FHIP1A: variants seen among roughly 807,000 people sequenced by gnomAD.
The protein encoded by FHIP1A is FHF complex subunit HOOK-interacting protein 1A.
A neutral mutation model predicts 88.6 loss-of-function variants in FHIP1A; 61 were observed. The observed-to-expected ratio is 0.69, with a 90% CI of 0.56 to 0.85. The LOEUF is 0.85. Among genes scored for constraint, FHIP1A ranks in the 40% least tolerant of loss-of-function variants. FHIP1A has a pLI of 0.00. For missense variants in FHIP1A, 1,154 were observed against 1,273.5 expected, an observed-to-expected ratio of 0.91 and a Z score of 1.43; for synonymous variants, 478 against 496.0, an observed-to-expected ratio of 0.96 and a Z score of 0.48.
At chr4:151,454,595 G>C (rs1357395157) in intron 1 of FHIP1A, 106 bp from the exon 2 acceptor site, 1 of 152,038 alleles carries the variant, frequency 6.6e-6, no homozygotes, top group Non-Finnish European at 1.5e-5. Flanking sequence ...GAGCAAGGTT[G>C]AGGCAAATTA....
rs1304378784 is a variant in FHIP1A at position 151,665,149 on chromosome 4, G to A, written c.*2395G>A. Among the ~76,000 whole-genome samples, 2 of 151,956 alleles carry A rather than the reference G, an allele frequency of 1.3e-5. No individual in the cohort carries two copies. Among genetic ancestry groups the A allele is most frequent in the African/African-American group, 4.8e-5 (2 of 41,364 alleles). On this transcript the variant is annotated 3_prime_UTR_variant, in exon 14 of 14. Coordinates refer to ENST00000435205, the MANE Select transcript of FHIP1A (RefSeq NM_001109977.3). ...GCCACCACACCCAGCTAACTTTTTG[G>A]TATAGTTTGTAGAGATGGGGTTTCA...
In FHIP1A at chr4:151,639,703, C is replaced by T. The variant is rs778503266; in HGVS notation, c.1226+947C>T. Among the ~76,000 whole-genome samples the T allele has an allele frequency of 6.6e-5, 10 of 152,180 alleles. No individual in the cohort carries two copies. In the South Asian group the frequency reaches 1.5e-3, roughly 22 times the overall value. On this transcript the variant is annotated intron_variant, in intron 9 of 13. Transcript: ENST00000435205. The stretch of plus-strand genomic sequence containing the variant: ...TGTGGCCCCAAAGCTGAGAGAGGAG[C>T]GAAGGGCTAGGGCTGAGAGGAGCTC...
chr4:151,605,670 C>T (rs988050496), intron 7 of FHIP1A, among the ~76,000 whole-genome samples: 3 of 152,312 alleles, frequency 2.0e-5, no homozygotes, highest in East Asian at 1.9e-4. Flanking sequence ...TATAAGCCGC[C>T]GTGGAGCCCA....
At chr4:151,488,826 A>G (rs1730176915) in intron 3 of FHIP1A, among the ~76,000 whole-genome samples, 1 of 152,230 alleles carries the variant, frequency 6.6e-6, no homozygotes. Flanking sequence ...ATCATATGAA[A>G]GGACAAATGA....
At chr4:151,456,612 C>T (rs562373680) in intron 2 of FHIP1A, among the ~76,000 whole-genome samples, 2 of 152,206 alleles carry the variant, frequency 1.3e-5, no homozygotes, top group South Asian at 4.2e-4. Flanking sequence ...CATTTAAAAT[C>T]TCATAATGAA....
rs1445240690 is a variant in FHIP1A, at chr4:151,577,669, G to A, written c.325G>A (p.Glu109Lys). 6 of 1,551,688 alleles carry A rather than the reference G, an allele frequency of 3.9e-6. No homozygotes were observed. In the South Asian group the frequency reaches 5.9e-5, roughly 15 times the overall value. The change falls in exon 5 of 14, where the codon GAG (glutamate) becomes AAG (lysine). Residue 109 changes from glutamate (E) to lysine (K), a missense_variant. Transcript: ENST00000435205. The part of the protein sequence containing the change: ...EKLFLWSLRR[E>K]FTDETKIEQL... The stretch of plus-strand genomic sequence containing the variant: ...ACTTTTCCTTTGGAGCTTGAGAAGG[G>A]AGTTTACTGATGAGACTAAAATTGA...
intron 3 of FHIP1A, among the ~76,000 whole-genome samples, chr4:151,527,164 A>G (rs1376011258): frequency 6.6e-6 from 1 of 152,184 alleles, no homozygotes; most frequent in East Asian, 1.9e-4. Context: ...CTGGGAGGCC[A>G]AGGCAGGCTG....
At chr4:151,541,309 T>C (rs1038806697) in intron 3 of FHIP1A, among the ~76,000 whole-genome samples, 4 of 152,174 alleles carry the variant, frequency 2.6e-5, no homozygotes, top group African/African-American at 9.7e-5. Context: ...TAATAAAGCA[T>C]TAAGTTGAGA....
At chr4:151,648,790 G>A (rs1179816765) in intron 10 of FHIP1A, among the ~76,000 whole-genome samples, 2 of 151,520 alleles carry the variant, frequency 1.3e-5, no homozygotes, top group African/African-American at 4.9e-5. Flanking sequence ...TTTCTCTTGA[G>A]GGAAAATGTA....
intron 7 of FHIP1A, among the ~76,000 whole-genome samples, chr4:151,593,668 G>T (rs1734530390): frequency 6.6e-6 from 1 of 152,154 alleles, no homozygotes; most frequent in Non-Finnish European, 1.5e-5. Flanking sequence ...TGGCTGAGAT[G>T]ATAGGGTTTT....
intron 3 of FHIP1A, among the ~76,000 whole-genome samples, chr4:151,564,210 A>T (rs944369731): frequency 1.3e-5 from 2 of 152,210 alleles, no homozygotes; most frequent in Non-Finnish European, 2.9e-5. Context: ...TTTGAAGAAG[A>T]ATCTTTGAAT....
At chr4:151,436,790 A>G (rs1322254708) in intron 1 of FHIP1A, among the ~76,000 whole-genome samples, 8 of 152,316 alleles carry the variant, frequency 5.3e-5, no homozygotes, top group African/African-American at 1.9e-4. Flanking sequence ...TAAAAATAGT[A>G]ATTCTAACAT....
intron 1 of FHIP1A, among the ~76,000 whole-genome samples, chr4:151,444,868 A>G (rs575865177): frequency 7.9e-5 from 12 of 152,322 alleles, no homozygotes; most frequent in African/African-American, 2.9e-4. Context: ...TACTCATAGA[A>G]CACTTCTGAT....
chr4:151,497,393 T>G (rs570078307), intron 3 of FHIP1A, among the ~76,000 whole-genome samples: 36 of 152,346 alleles, frequency 2.4e-4, no homozygotes, highest in African/African-American at 8.2e-4. Context: ...TCACCTGTTT[T>G]TTTATGGCCC....
intron 3 of FHIP1A, among the ~76,000 whole-genome samples, chr4:151,504,194 A>ATTATCCTC: frequency 2.0e-5 from 3 of 152,242 alleles, no homozygotes; most frequent in Non-Finnish European, 4.4e-5. Flanking sequence ...CTCTCAGGGA[A>ATTATCCTC]AATGTTTGCA....
chr4:151,633,573 G>A (rs1326456316), intron 8 of FHIP1A, among the ~76,000 whole-genome samples: 1 of 151,842 alleles, frequency 6.6e-6, no homozygotes, highest in Non-Finnish European at 1.5e-5. Flanking sequence ...CTAGCAAAAA[G>A]CATTAAACAG....
intron 3 of FHIP1A, among the ~76,000 whole-genome samples, chr4:151,491,437 C>T (rs1299292547): frequency 1.3e-5 from 2 of 152,088 alleles, no homozygotes; most frequent in African/African-American, 4.8e-5. Flanking sequence ...CAGACAAATG[C>T]TGAGAGAACT....
chr4:151,477,509 A>G (rs1729750404), intron 2 of FHIP1A, among the ~76,000 whole-genome samples: 2 of 152,178 alleles, frequency 1.3e-5, no homozygotes, highest in Admixed American at 1.3e-4. Flanking sequence ...AGAGATTGAT[A>G]TATTTGATTA....
At chr4:151,466,222 C>T (rs1729309083) in intron 2 of FHIP1A, among the ~76,000 whole-genome samples, 1 of 152,056 alleles carries the variant, frequency 6.6e-6, no homozygotes, top group South Asian at 2.1e-4. Flanking sequence ...GAGTGAACTC[C>T]CATTCACAAT....
Sources: allele counts gnomAD v4.1 joint callset (sites outside exome capture counted in the v4.1 genomes callset), GRCh38; gene constraint gnomAD v4.1.1; transcripts MANE v1.5; gene names NCBI Gene and HGNC (gene_info 2026-07-23, HGNC 2026-07-21).